The following MMRN1 variants were observed in gnomAD, a reference collection of about 807,000 sequenced individuals.
MMRN1 encodes multimerin-1.
MMRN1 carries 94 observed loss-of-function variants against 100.7 expected under a neutral mutation model. The observed-to-expected ratio is 0.93, with a 90% CI of 0.79 to 1.11. MMRN1 has a LOEUF of 1.11. Ranked by LOEUF, MMRN1 falls within the 50% of genes least tolerant of loss-of-function variation. The probability of loss-of-function intolerance (pLI) is 0.00; values close to 1 mark genes in which losing one functional copy is unlikely to be tolerated. For synonymous variants in MMRN1, 575 were observed against 505.0 expected, an observed-to-expected ratio of 1.14 and a Z score of -1.86; for missense variants, 1,606 against 1,439.1, an observed-to-expected ratio of 1.12 and a Z score of -1.88.
intron 1 of MMRN1, among the ~76,000 whole-genome samples, chr4:89,886,327 A>C (rs187136302): frequency 1.5e-4 from 23 of 152,088 alleles, no homozygotes; most frequent in African/African-American, 5.3e-4. Flanking sequence ...TTAGAAGTAT[A>C]TTGTTTCATT....
rs76120137 is a variant in MMRN1 at position 89,942,155 on chromosome 4, T to G, written c.3118+5357T>G. 8.1e-3 allele frequency among the ~76,000 whole-genome samples: 1,229 copies of G among 152,252 alleles called. 21 individuals are homozygous for G. Among genetic ancestry groups the G allele is most frequent in the African/African-American group, 0.026 (1,068 of 41,560 alleles). ...AATGGGATGGAATTCCAGGTTCCATTTACACAGTCACTGCATATGCTTGGG... is the reference window on the plus strand; with the variant it reads ...AATGGGATGGAATTCCAGGTTCCATGTACACAGTCACTGCATATGCTTGGG... On this transcript the variant is annotated intron_variant, in intron 6 of 7. Transcript: ENST00000264790.
At chr4:89,920,280 T>G (rs2110610465) in intron 3 of MMRN1, among the ~76,000 whole-genome samples, 1 of 152,272 alleles carries the variant, frequency 6.6e-6, no homozygotes, top group East Asian at 1.9e-4. Flanking sequence ...TTGGGGAATG[T>G]GCAATGTTGC....
rs1221560512 is a variant in MMRN1 at position 89,934,904 on chromosome 4, G to T, written c.1224G>T (p.Gln408His). ...ATGACATGCAAGAGACTGTAGCACAGCTCTTCAAGACTGTATCAAGTCTAT... is the reference window on the plus strand; with the variant it reads ...ATGACATGCAAGAGACTGTAGCACATCTCTTCAAGACTGTATCAAGTCTAT... ...FQNDMQETVA[Q>H]LFKTVSSLSE... Residue 408 changes from glutamine (Q) to histidine (H), a missense_variant, in exon 6 of 8, where the codon CAG becomes CAT. Gln to His is a conservative substitution (Grantham distance 24, BLOSUM62 0). Coordinates refer to ENST00000264790, the MANE Select transcript of MMRN1 (RefSeq NM_007351.3). The T allele has an allele frequency of 6.2e-7, 1 of 1,611,232 alleles. No homozygotes were observed. Among genetic ancestry groups the T allele is most frequent in the Admixed American group, 1.7e-5 (1 of 59,496 alleles).
chr4:89,911,593 G>A (rs1721752535), intron 2 of MMRN1, among the ~76,000 whole-genome samples: 1 of 151,252 alleles, frequency 6.6e-6, no homozygotes, highest in South Asian at 2.1e-4. Context: ...ATGAATTGAA[G>A]TAGAATAAAT....
At chr4:89,950,513 T>C (rs1489716064) in intron 6 of MMRN1, among the ~76,000 whole-genome samples, 1 of 152,166 alleles carries the variant, frequency 6.6e-6, no homozygotes, top group East Asian at 1.9e-4. Flanking sequence ...ATTTTCTACG[T>C]ATCTTTTTAA....
intron 1 of MMRN1, among the ~76,000 whole-genome samples, chr4:89,879,863 T>C (rs1720782891): frequency 6.6e-6 from 1 of 152,206 alleles, no homozygotes; most frequent in Non-Finnish European, 1.5e-5. Flanking sequence ...AGCATTTATG[T>C]TGAAAACTGT....
At position 89,939,701 on chromosome 4, in the gene MMRN1, A is replaced by G. The variant is rs1484226542; in HGVS notation, c.3118+2903A>G. Among the ~76,000 whole-genome samples the G allele has an allele frequency of 5.9e-5, 9 of 152,242 alleles. 1 individual carries two copies. In the East Asian group the frequency reaches 1.7e-3, roughly 29 times the overall value. ...CAAAGAAATTATAGAGTGTGTTCAC[A>G]TGCCTTTCTCTTCTTTCTGTTTCTG... On this transcript the variant is annotated intron_variant, in intron 6 of 7. Coordinates refer to ENST00000264790, the MANE Select transcript of MMRN1 (RefSeq NM_007351.3).
At chr4:89,912,202 GC>G (rs1721776059) in intron 3 of MMRN1, 152 bp downstream of exon 3, 1 of 466,494 alleles carries the variant, frequency 2.1e-6, no homozygotes, top group South Asian at 4.8e-5. Flanking sequence ...TAACTTGGTA[GC>G]TTTTATAACA....
At chr4:89,893,482 TA>T (rs1469448364), upstream of MMRN1, among the ~76,000 whole-genome samples, 1 of 152,060 alleles carries the variant, frequency 6.6e-6, no homozygotes, top group Non-Finnish European at 1.5e-5. Flanking sequence ...CAATAAAACA[TA>T]ACCAAGCAGG....
chr4:89,935,978 C>T lies in MMRN1; in HGVS notation c.2298C>T (p.Thr766=), dbSNP rs114975748. 7.3e-3 allele frequency: 11,777 copies of T among 1,612,600 alleles called. 143 individuals carry two copies. The highest frequency in any genetic ancestry group is 0.049 in the Middle Eastern group (296 of 6,048). ...KDNSEIHHKC[T]SDMETILTFI... ...ATAGTGAGATCCATCATAAATGTAC[C>T]TCCGATATGGAAACTATTTTGACAT... The change falls in exon 6 of 8, where the codon ACC becomes ACT. Residue 766 remains threonine (T), a synonymous_variant. Coordinates refer to ENST00000264790, the MANE Select transcript of MMRN1 (RefSeq NM_007351.3).
chr4:89,880,941 G>T (rs1720802521), intron 1 of MMRN1, among the ~76,000 whole-genome samples: 1 of 152,054 alleles, frequency 6.6e-6, no homozygotes, highest in African/African-American at 2.4e-5. Flanking sequence ...GGGTTGAGAG[G>T]GAAGAAGTCC....
Position 89,925,133 on chromosome 4 carries a change from T to A in MMRN1, c.955+1861T>A, listed in dbSNP as rs556435656. ...TTCATTCTTTCTTTTGCTATTCTTT[T>A]TTATTATTTATTTATTTATTTATTT... is the stretch of plus-strand genomic sequence containing the variant. On this transcript the variant is annotated intron_variant, in intron 4 of 7. Transcript: ENST00000264790. 3.8e-3 allele frequency among the ~76,000 whole-genome samples: 572 copies of A among 151,664 alleles called. 1 individual carries two copies. The highest frequency in any genetic ancestry group is 5.6e-3 in the Non-Finnish European group (382 of 67,880).
chr4:89,952,196 T>C (rs1481541434), intron 7 of MMRN1, among the ~76,000 whole-genome samples: 2 of 152,210 alleles, frequency 1.3e-5, no homozygotes, highest in Non-Finnish European at 2.9e-5. Flanking sequence ...GTTAAACTAA[T>C]GGCACCATTT....
chr4:89,934,699 A>G (rs1440928992), intron 5 of MMRN1, 111 bp from the exon 6 acceptor site: 2 of 540,960 alleles, frequency 3.7e-6, no homozygotes, highest in Non-Finnish European at 6.1e-6. Context: ...GTTAAGAGGT[A>G]TTTTTATTAT....
intron 1 of MMRN1, among the ~76,000 whole-genome samples, chr4:89,908,644 TC>T (rs1387089390): frequency 6.6e-6 from 1 of 151,498 alleles, no homozygotes; most frequent in African/African-American, 2.4e-5. Context: ...GTTAATAGTG[TC>T]TTTTTTAATT....
At chr4:89,928,814 G>A (rs927390385) in intron 5 of MMRN1, among the ~76,000 whole-genome samples, 5 of 152,184 alleles carry the variant, frequency 3.3e-5, no homozygotes, top group African/African-American at 1.2e-4. Context: ...CTATCTCAAG[G>A]TGCTTAACTT....
intron 1 of MMRN1, among the ~76,000 whole-genome samples, chr4:89,885,143 C>T (rs1247448222): frequency 6.7e-6 from 1 of 150,042 alleles, no homozygotes; most frequent in African/African-American, 2.5e-5. Flanking sequence ...CCCTTCCTCC[C>T]TTCCTTCCTT....
In MMRN1 at chr4:89,883,192, C is replaced by A. The variant is rs372276182; in HGVS notation, c.-249+3590C>A. Reference sequence around the variant, plus strand: ...CTCTTGATATTCTCTTATATTTGGGCTGTTACGAATATTCTTGAACAAGTC... The same window carrying A: ...CTCTTGATATTCTCTTATATTTGGGATGTTACGAATATTCTTGAACAAGTC... On this transcript the variant is annotated intron_variant, in intron 1 of 8. Coordinates refer to the MMRN1 transcript ENST00000394980. 1.6e-4 allele frequency among the ~76,000 whole-genome samples: 25 copies of A among 152,144 alleles called. 1 individual carries two copies. In the South Asian group the frequency reaches 5.0e-3, roughly 30 times the overall value.
At chr4:89,904,995 T>A (rs1046149117) in intron 1 of MMRN1, among the ~76,000 whole-genome samples, 2 of 151,560 alleles carry the variant, frequency 1.3e-5, no homozygotes, top group African/African-American at 2.4e-5. Flanking sequence ...TTTTACTAAG[T>A]GATATTTTTT....
Sources: gnomAD v4.1 joint callset for allele counts (sites outside exome capture counted in the v4.1 genomes callset) on GRCh38, gnomAD v4.1.1 for gene constraint, MANE v1.5 for transcripts, NCBI Gene and HGNC (gene_info 2026-07-23, HGNC 2026-07-21) for gene names.